Variants in SEMA3A observed in about 807,000 individuals in gnomAD.
SEMA3A encodes semaphorin-3A.
Under a neutral mutation model 97.9 loss-of-function variants are expected in SEMA3A, and 29 were observed. The ratio of observed to expected loss-of-function variants is 0.30; its 90% confidence interval spans 0.22 to 0.40. The LOEUF (loss-of-function observed/expected upper bound fraction) is 0.40. Ranked by LOEUF, SEMA3A falls within the 10% of genes least tolerant of loss-of-function variation. The probability of loss-of-function intolerance (pLI) is 1.00; values close to 1 mark genes in which losing one functional copy is unlikely to be tolerated. For missense variants in SEMA3A, 763 were observed against 951.3 expected (o/e 0.80, Z 2.60); for synonymous variants, 321 against 323.7 (o/e 0.99, Z 0.09).
chr7:84,143,956 C>CTA (rs1215636537), intron 1 of SEMA3A, among the ~76,000 whole-genome samples: 145 of 129,874 alleles, frequency 1.1e-3, no homozygotes, highest in African/African-American at 4.3e-3. Context: ...CTCTAACACA[C>CTA]ACACACACAC....
At chr7:84,109,951 C>A (rs1053295969) in intron 4 of SEMA3A, among the ~76,000 whole-genome samples, 2 of 151,958 alleles carry the variant, frequency 1.3e-5, no homozygotes, top group African/African-American at 4.8e-5. Context: ...ATATTTTTTT[C>A]TTTTCCATAC....
At chr7:84,304,609 G>A (rs1043740469) in intron 3 of SEMA3A, among the ~76,000 whole-genome samples, 2 of 151,896 alleles carry the variant, frequency 1.3e-5, no homozygotes, top group South Asian at 4.1e-4. Flanking sequence ...ATTAAGTACT[G>A]CTGGCACTAA....
At chr7:84,173,887 C>T (rs578024687) in intron 1 of SEMA3A, among the ~76,000 whole-genome samples, 1 of 152,108 alleles carries the variant, frequency 6.6e-6, no homozygotes, top group South Asian at 2.1e-4. Context: ...AGTCAGAACC[C>T]TATTGTGAAC....
intron 15 of SEMA3A, among the ~76,000 whole-genome samples, chr7:83,966,253 C>T (rs1033102261): frequency 6.6e-6 from 1 of 152,086 alleles, no homozygotes; most frequent in South Asian, 2.1e-4. Flanking sequence ...GGAATCTAGA[C>T]TATAGACTAT....
At chr7:84,178,048 A>G (rs772384692) in intron 1 of SEMA3A, among the ~76,000 whole-genome samples, 3 of 152,174 alleles carry the variant, frequency 2.0e-5, no homozygotes, top group Admixed American at 6.5e-5. Context: ...GCCACACTGA[A>G]TGAAATTATT....
At chr7:84,017,053 G>A (rs557327449) in intron 6 of SEMA3A, among the ~76,000 whole-genome samples, 21 of 152,226 alleles carry the variant, frequency 1.4e-4, no homozygotes, top group Non-Finnish European at 2.4e-4. Flanking sequence ...TGTGCAAGAC[G>A]CCATGTAGAA....
At chr7:84,005,675 T>A in intron 10 of SEMA3A, 117 bp from the exon 11 acceptor site, 1 of 705,934 alleles carries the variant, frequency 1.4e-6, no homozygotes, top group Non-Finnish European at 2.3e-6. Flanking sequence ...AGGCCAGGTA[T>A]GGTAGCTCAC....
Position 83,956,986 on chromosome 7 carries a change from GTTCTT to G in SEMA3A, c.*4380_*4384del, listed in dbSNP as rs1013063310. ...TTGGCAATTGTCATATCGTAACTTG[GTTCTT>G]TTCAACAGTGATTTATTGGGCTCCC... On this transcript the variant is annotated 3_prime_UTR_variant, in exon 17 of 17. Coordinates refer to ENST00000265362, the MANE Select transcript of SEMA3A (RefSeq NM_006080.3). 1.3e-5 allele frequency: 2 copies of G among 151,728 alleles called. No individual in the cohort carries two copies. Among genetic ancestry groups the G allele is most frequent in the African/African-American group, 2.4e-5 (1 of 41,262 alleles). 9.4% of individuals were successfully genotyped at this position (151,728 alleles called of 1,614,324 possible). A position where few individuals can be genotyped will look rare whatever the true frequency, so the allele number is the denominator to read the frequency against.
At chr7:84,292,998 G>A (rs1461947318) in intron 3 of SEMA3A, among the ~76,000 whole-genome samples, 7 of 151,960 alleles carry the variant, frequency 4.6e-5, no homozygotes, top group Non-Finnish European at 1.0e-4. Context: ...ACATTATATA[G>A]AAGTAGAAAT....
intron 3 of SEMA3A, among the ~76,000 whole-genome samples, chr7:84,206,573 C>A (rs545823184): frequency 6.6e-6 from 1 of 152,156 alleles, no homozygotes; most frequent in African/African-American, 2.4e-5. Context: ...CCGCCCGCCT[C>A]GGCCTCCCAA....
chr7:84,067,642 C>T (rs1209270281), intron 4 of SEMA3A, among the ~76,000 whole-genome samples: 1 of 152,154 alleles, frequency 6.6e-6, no homozygotes, highest in South Asian at 2.1e-4. Flanking sequence ...CAAAAGAAGA[C>T]ATTTATGCAG....
At chr7:84,176,695 T>C (rs1314968107) in intron 1 of SEMA3A, among the ~76,000 whole-genome samples, 2 of 152,184 alleles carry the variant, frequency 1.3e-5, no homozygotes, top group African/African-American at 4.8e-5. Context: ...CAGGGAGCAA[T>C]TCCTGTCATT....
upstream of SEMA3A, among the ~76,000 whole-genome samples, chr7:84,195,813 A>T (rs1275196762): frequency 6.6e-6 from 1 of 152,164 alleles, no homozygotes; most frequent in Non-Finnish European, 1.5e-5. Context: ...AAAGTTCACA[A>T]AAGTCCCTGC....
intron 5 of SEMA3A, among the ~76,000 whole-genome samples, chr7:84,055,461 G>A (rs1486802496): frequency 6.6e-6 from 1 of 152,080 alleles, no homozygotes. Context: ...GGAGTGACCC[G>A]ATTTTCCAGG....
intron 2 of SEMA3A, among the ~76,000 whole-genome samples, chr7:84,329,771 A>G (rs1043655012): frequency 2.6e-5 from 4 of 152,070 alleles, no homozygotes; most frequent in African/African-American, 7.2e-5. Flanking sequence ...TTTAGTGCAA[A>G]ATAAGAGGGA....
chr7:84,176,816 T>A (rs1797582116), intron 1 of SEMA3A, among the ~76,000 whole-genome samples: 1 of 152,136 alleles, frequency 6.6e-6, no homozygotes, highest in South Asian at 2.1e-4. Flanking sequence ...TCATTTTTCC[T>A]AATAGAATGC....
At chr7:84,102,579 G>A (rs1175478249) in intron 4 of SEMA3A, among the ~76,000 whole-genome samples, 2 of 130,796 alleles carry the variant, frequency 1.5e-5, no homozygotes, top group Non-Finnish European at 3.2e-5. Context: ...GAAGGAGATT[G>A]CATTATCGCT....
At chr7:84,157,738 AC>A (rs1277435363) in intron 1 of SEMA3A, among the ~76,000 whole-genome samples, 1 of 152,178 alleles carries the variant, frequency 6.6e-6, no homozygotes, top group Non-Finnish European at 1.5e-5. Flanking sequence ...CACATCTTTC[AC>A]TTGCCACCAC....
At chr7:84,279,235 G>T (rs1800379853) in intron 3 of SEMA3A, among the ~76,000 whole-genome samples, 1 of 152,004 alleles carries the variant, frequency 6.6e-6, no homozygotes, top group Admixed American at 6.6e-5. Flanking sequence ...CAGTGACCAG[G>T]TTACTTGGTC....
Sources: gnomAD v4.1 joint callset for allele counts (sites outside exome capture counted in the v4.1 genomes callset) on GRCh38, gnomAD v4.1.1 for gene constraint, MANE v1.5 for transcripts, NCBI Gene and HGNC (gene_info 2026-07-23, HGNC 2026-07-21) for gene names.